Variants in MTHFD2L observed in about 807,000 individuals in gnomAD.
MTHFD2L encodes the protein methylenetetrahydrofolate dehydrogenase (NADP+ dependent) 2 like.
Under a neutral mutation model 34.9 loss-of-function variants are expected in MTHFD2L, and 29 were observed. The ratio of observed to expected loss-of-function variants is 0.83; its 90% CI spans 0.62 to 1.13. The LOEUF is 1.13. Among genes scored for constraint, MTHFD2L ranks in the 50% most tolerant of loss-of-function variants. The pLI is 0.00. For synonymous variants in MTHFD2L, 167 were observed against 155.7 expected (o/e 1.07, Z -0.54); for missense variants, 481 against 446.5 (o/e 1.08, Z -0.70).
intron 6 of MTHFD2L, among the ~76,000 whole-genome samples, chr4:74,242,798 G>A (rs975342221): frequency 6.6e-6 from 1 of 152,160 alleles, no homozygotes; most frequent in Admixed American, 6.6e-5. Flanking sequence ...TTATAGTTAT[G>A]TTGGTCACAT....
chr4:74,230,031 T>A (rs1216390992), intron 6 of MTHFD2L, among the ~76,000 whole-genome samples: 1 of 152,048 alleles, frequency 6.6e-6, no homozygotes, highest in Non-Finnish European at 1.5e-5. Flanking sequence ...GCTGTGTTGA[T>A]TTTGAGATTA....
In MTHFD2L at chr4:74,175,154, C is replaced by G. The variant is rs1728782183; in HGVS notation, c.329-127C>G. 1.4e-5 allele frequency: 14 copies of G among 990,074 alleles called. No homozygotes were observed. The Admixed American group carries it at 3.1e-4, about 22-fold the overall frequency. The allele number at this position is 990,074 out of a possible 1,614,324, so 61.3% of individuals were successfully genotyped here. A position where few individuals can be genotyped will look rare whatever the true frequency, so the allele number is the denominator to read the frequency against. ...CACCTGTACTATTGGAGAAATCCTT[C>G]CTGATGATGCATGGAACATCAGAAC... On this transcript the variant is annotated intron_variant, in intron 2 of 7. Coordinates refer to ENST00000325278, the MANE Select transcript of MTHFD2L (RefSeq NM_001144978.3).
intron 3 of MTHFD2L, among the ~76,000 whole-genome samples, chr4:74,187,179 A>T (rs2110006731): frequency 6.6e-6 from 1 of 152,210 alleles, no homozygotes; most frequent in African/African-American, 2.4e-5. Context: ...GAATGCTTTG[A>T]TGGGCTCAAC....
chr4:74,290,543 C>A (rs78662050), intron 7 of MTHFD2L, among the ~76,000 whole-genome samples: 15 of 152,156 alleles, frequency 9.9e-5, no homozygotes, highest in Non-Finnish European at 1.9e-4. Flanking sequence ...ATAATAATTT[C>A]CATCTTATAA....
intron 6 of MTHFD2L, among the ~76,000 whole-genome samples, chr4:74,226,862 A>G (rs1739248361): frequency 6.6e-6 from 1 of 152,196 alleles, no homozygotes; most frequent in East Asian, 1.9e-4. Context: ...ATAAACAGTA[A>G]AATATAATGC....
At chr4:74,287,555 T>C (rs1748339861) in intron 7 of MTHFD2L, among the ~76,000 whole-genome samples, 1 of 152,130 alleles carries the variant, frequency 6.6e-6, no homozygotes, top group Admixed American at 6.5e-5. Flanking sequence ...AGGACCAGTC[T>C]GGCCAATGTG....
At chr4:74,209,140 T>G (rs1450938956) in intron 5 of MTHFD2L, among the ~76,000 whole-genome samples, 1 of 151,956 alleles carries the variant, frequency 6.6e-6, no homozygotes, top group African/African-American at 2.4e-5. Flanking sequence ...CTTTTACCAG[T>G]TTGCACAGGG....
intron 1 of MTHFD2L, among the ~76,000 whole-genome samples, chr4:74,169,844 A>G (rs964266067): frequency 6.6e-6 from 1 of 152,222 alleles, no homozygotes; most frequent in African/African-American, 2.4e-5. Flanking sequence ...AAAAACCTCA[A>G]AAGTTTTATT....
chr4:74,132,047 C>A (rs1252680014), intron 1 of MTHFD2L, among the ~76,000 whole-genome samples: 3 of 152,144 alleles, frequency 2.0e-5, no homozygotes, highest in Admixed American at 2.0e-4. Context: ...GAGATACCAT[C>A]TCACACTAGT....
chr4:74,297,599 A>T (rs904654252), intron 7 of MTHFD2L, among the ~76,000 whole-genome samples: 1 of 152,060 alleles, frequency 6.6e-6, no homozygotes, highest in Admixed American at 6.6e-5. Flanking sequence ...ACATAATAGG[A>T]TTAATATTTA....
intron 6 of MTHFD2L, among the ~76,000 whole-genome samples, chr4:74,227,653 G>A (rs1013405792): frequency 1.3e-5 from 2 of 152,196 alleles, no homozygotes. Flanking sequence ...AGTAAGAAAT[G>A]TTGTTGGGAA....
upstream of MTHFD2L, chr4:74,123,480 A>C (rs1721858530): frequency 6.6e-6 from 1 of 152,130 alleles, no homozygotes; most frequent in African/African-American, 2.4e-5. Context: ...GATTCTCCGA[A>C]AGCAAGGCTA....
upstream of MTHFD2L, among the ~76,000 whole-genome samples, chr4:74,154,311 CTT>C (rs935390639): frequency 9.9e-5 from 15 of 152,246 alleles, no homozygotes; most frequent in East Asian, 5.8e-4. Context: ...AAGTTACTCT[CTT>C]TTCCCATTTT....
chr4:74,179,342 T>A (rs181220529), intron 3 of MTHFD2L, among the ~76,000 whole-genome samples: 1 of 152,144 alleles, frequency 6.6e-6, no homozygotes, highest in East Asian at 1.9e-4. Context: ...TCCATACTTA[T>A]AACCTATATT....
rs764968818 is a variant in MTHFD2L at position 74,188,780 on chromosome 4, A to ATATATATGGG, written c.452-11007_452-11006insGGGTATATAT. 4.3e-5 allele frequency among the ~76,000 whole-genome samples: 4 copies of ATATATATGGG among 91,962 alleles called. 1 individual carries two copies. The highest frequency in any genetic ancestry group is 3.4e-4 in the African/African-American group (3 of 8,786). 60.3% of individuals were successfully genotyped at this position (91,962 alleles called of 152,430 possible). ...TATATATATATGTGTATACATATGTATATATATATGGGTATATATATATGT... is the reference window on the plus strand; with the variant it reads ...TATATATATATGTGTATACATATGTATATATATGGGTATATATATGGGTATATATATATGT... On this transcript the variant is annotated intron_variant, in intron 3 of 7. Coordinates refer to ENST00000325278, the MANE Select transcript of MTHFD2L (RefSeq NM_001144978.3).
At chr4:74,200,852 C>A (rs376154949) in intron 4 of MTHFD2L, among the ~76,000 whole-genome samples, 1 of 151,188 alleles carries the variant, frequency 6.6e-6, no homozygotes, top group African/African-American at 2.5e-5. Context: ...AATGCATGAG[C>A]TTTGTGAAAA....
chr4:74,147,841 A>C (rs1475306965), intron 1 of MTHFD2L, among the ~76,000 whole-genome samples: 1 of 152,106 alleles, frequency 6.6e-6, no homozygotes, highest in Non-Finnish European at 1.5e-5. Flanking sequence ...TCCTTTGCCC[A>C]ATTTTAATTG....
At chr4:74,173,181 C>T (rs184961721) in intron 1 of MTHFD2L, among the ~76,000 whole-genome samples, 93 of 152,214 alleles carry the variant, frequency 6.1e-4, no homozygotes, top group African/African-American at 2.1e-3. Flanking sequence ...AAGGGACCAC[C>T]TTCTACTTTA....
chr4:74,244,318 C>T (rs1479801135), intron 6 of MTHFD2L, among the ~76,000 whole-genome samples: 1 of 152,130 alleles, frequency 6.6e-6, no homozygotes, highest in Non-Finnish European at 1.5e-5. Flanking sequence ...ATTGGCTTTG[C>T]AGGAAATGGG....
Sources: allele counts gnomAD v4.1 joint callset (sites outside exome capture counted in the v4.1 genomes callset), GRCh38; gene constraint gnomAD v4.1.1; transcripts MANE v1.5; gene names NCBI Gene and HGNC (gene_info 2026-07-23, HGNC 2026-07-21).